Variants in C2orf66 observed in about 807,000 individuals in gnomAD.
C2orf66 encodes the protein uncharacterized protein C2orf66.
Under a neutral mutation model 7.0 loss-of-function variants are expected in C2orf66, and 6 were observed. The observed-to-expected ratio is 0.86, with a 90% CI of 0.47 to 1.69. The LOEUF is 1.69. C2orf66 is among the 40% of genes most tolerant of loss of function. The pLI is 0.01. For missense variants in C2orf66, 107 were observed against 112.0 expected (o/e 0.96, Z 0.20); for synonymous variants, 38 against 43.8 (o/e 0.87, Z 0.52).
chr2:196,807,987 C>T (rs182468824), intron 1 of C2orf66, among the ~76,000 whole-genome samples: 18 of 152,310 alleles, frequency 1.2e-4, no homozygotes, highest in African/African-American at 3.8e-4. Context: ...TATGAGATCT[C>T]TGTTGTTGCC....
the C2orf66 span, among the ~76,000 whole-genome samples, chr2:196,815,799 C>G: frequency 6.6e-6 from 1 of 152,142 alleles, no homozygotes. Flanking sequence ...CCTTTTCAAA[C>G]CCTTCTTGTC....
At chr2:196,830,382 C>T in the C2orf66 span, among the ~76,000 whole-genome samples, 2 of 152,116 alleles carry the variant, frequency 1.3e-5, no homozygotes, top group South Asian at 2.1e-4. Flanking sequence ...CATGCTCAGC[C>T]GTCCAAACCC....
At chr2:196,807,829 A>G (rs755347333) in intron 1 of C2orf66, among the ~76,000 whole-genome samples, 1 of 152,174 alleles carries the variant, frequency 6.6e-6, no homozygotes, top group Non-Finnish European at 1.5e-5. Flanking sequence ...ACCCTAACCA[A>G]AATAATTCAC....
rs539383906 is a variant in C2orf66, at chr2:196,804,538, A to T, written c.*890T>A. Among the ~76,000 whole-genome samples the T allele has an allele frequency of 1.3e-5, 2 of 152,262 alleles. No homozygotes were observed. The highest frequency in any genetic ancestry group is 4.8e-5 in the African/African-American group (2 of 41,476). On this transcript the variant is annotated 3_prime_UTR_variant, in exon 3 of 3. Transcript: ENST00000342506. The stretch of plus-strand genomic sequence containing the variant: ...GGACAATGTTGCATTTTAGTGCAAC[A>T]TTCCTTTTGCAGGAATCACAGAGAA...
At chr2:196,818,321 T>A in the C2orf66 span, among the ~76,000 whole-genome samples, 1 of 152,184 alleles carries the variant, frequency 6.6e-6, no homozygotes, top group Non-Finnish European at 1.5e-5. Context: ...CAAGCAAGGT[T>A]GCCATGCTTC....
chr2:196,820,495 T>C, the C2orf66 span, among the ~76,000 whole-genome samples: 1 of 152,358 alleles, frequency 6.6e-6, no homozygotes, highest in South Asian at 2.1e-4. Flanking sequence ...ATAATAAGCA[T>C]GGTATTTATT....
the C2orf66 span, among the ~76,000 whole-genome samples, chr2:196,814,623 A>G: frequency 3.3e-5 from 5 of 152,176 alleles, no homozygotes; most frequent in African/African-American, 1.2e-4. Context: ...AAAAAGTCAC[A>G]ACACTATAAA....
upstream of C2orf66, chr2:196,809,377 T>C (rs373807264): frequency 6.2e-7 from 1 of 1,611,052 alleles, no homozygotes. Context: ...GCGGGAGCTG[T>C]CAATGATCAT....
the C2orf66 span, among the ~76,000 whole-genome samples, chr2:196,823,518 G>C: frequency 1.1e-3 from 167 of 152,038 alleles, no homozygotes; most frequent in East Asian, 0.019. Context: ...CAGTTACTTG[G>C]GGGGGCTGAG....
At chr2:196,807,315 A>T in intron 2 of C2orf66, 109 bp downstream of exon 2, 1 of 674,682 alleles carries the variant, frequency 1.5e-6, no homozygotes, top group Non-Finnish European at 2.4e-6. Context: ...CTGAGCATTT[A>T]TTTCTATGAG....
At chr2:196,817,260 AGT>A in the C2orf66 span, among the ~76,000 whole-genome samples, 1 of 123,066 alleles carries the variant, frequency 8.1e-6, no homozygotes, top group East Asian at 2.4e-4. Flanking sequence ...TTTGAGACAG[AGT>A]CTTGTTCTTT....
At chr2:196,823,364 T>C in the C2orf66 span, among the ~76,000 whole-genome samples, 1 of 152,178 alleles carries the variant, frequency 6.6e-6, no homozygotes, top group South Asian at 2.1e-4. Flanking sequence ...GGCTCATGTC[T>C]GTAATCCTAG....
intron 1 of C2orf66, 100 bp from the exon 2 acceptor site, chr2:196,807,722 G>C (rs1699833656): frequency 2.1e-6 from 2 of 948,750 alleles, no homozygotes; most frequent in African/African-American, 1.7e-5. Context: ...TGACTTTAAG[G>C]CTAATCTAAG....
At chr2:196,826,814 C>T in the C2orf66 span, among the ~76,000 whole-genome samples, 856 of 152,110 alleles carry the variant, frequency 5.6e-3, 2 homozygotes, top group Non-Finnish European at 9.5e-3. Flanking sequence ...GGGCAGATCA[C>T]GAGGTCAGGA....
At chr2:196,826,365 T>C in the C2orf66 span, among the ~76,000 whole-genome samples, 1 of 152,214 alleles carries the variant, frequency 6.6e-6, no homozygotes, top group Non-Finnish European at 1.5e-5. Context: ...ATTAGTATTG[T>C]AGTAGTATGT....
Position 196,809,319 on chromosome 2 carries a change from G to A in C2orf66, c.18C>T (p.Leu6=). 6.2e-7 allele frequency: 1 copy of A among 1,614,080 alleles called. No individual in the cohort carries two copies. The highest frequency in any genetic ancestry group is 8.5e-7 in the Non-Finnish European group (1 of 1,179,952). The change falls in exon 1 of 3, where the codon CTC becomes CTT. Residue 6 remains leucine, a synonymous_variant. Coordinates refer to ENST00000342506, the MANE Select transcript of C2orf66 (RefSeq NM_213608.3). MTRAP[L]LLLCVALVLL... is the part of the protein sequence containing the mutation. ...GCACCAGGGCAACACATAGTAGCAG[G>A]AGAGGTGCTCTGGTCATGGTGGAGT...
chr2:196,821,927 GCTTT>G, the C2orf66 span, among the ~76,000 whole-genome samples: 6 of 57,102 alleles, frequency 1.1e-4, no homozygotes, highest in Admixed American at 4.8e-4. Flanking sequence ...GAACCAGTGA[GCTTT>G]TTTTTTTTTT....
chr2:196,822,928 A>C, the C2orf66 span, among the ~76,000 whole-genome samples: 1 of 152,108 alleles, frequency 6.6e-6, no homozygotes, highest in Non-Finnish European at 1.5e-5. Context: ...ATCTGTCTTT[A>C]AGTAGGGATA....
At chr2:196,815,150 T>G in the C2orf66 span, among the ~76,000 whole-genome samples, 17 of 152,068 alleles carry the variant, frequency 1.1e-4, no homozygotes, top group African/African-American at 4.1e-4. Context: ...TTTCTTTTTT[T>G]GTAGAACCAT....
Sources: allele counts gnomAD v4.1 joint callset (sites outside exome capture counted in the v4.1 genomes callset), GRCh38; gene constraint gnomAD v4.1.1; transcripts MANE v1.5; gene names NCBI Gene and HGNC (gene_info 2026-07-23, HGNC 2026-07-21).